Variants in ZNF804B observed in about 807,000 individuals in gnomAD.
The protein encoded by ZNF804B is zinc finger protein 804B, also known as zinc finger 804B.
A neutral mutation model predicts 101.4 loss-of-function variants in ZNF804B; 80 were observed. The observed-to-expected ratio is 0.79, with a 90% confidence interval of 0.66 to 0.95. ZNF804B has a LOEUF of 0.95. Among genes scored for constraint, ZNF804B ranks in the 40% least tolerant of loss-of-function variants. The pLI is 0.00. For synonymous variants in ZNF804B, 622 were observed against 558.8 expected, an observed-to-expected ratio of 1.11 and a Z score of -1.59; for missense variants, 1,673 against 1,561.9, an observed-to-expected ratio of 1.07 and a Z score of -1.20.
intron 1 of ZNF804B, among the ~76,000 whole-genome samples, chr7:89,041,779 T>C (rs953611258): frequency 1.3e-5 from 2 of 152,198 alleles, no homozygotes; most frequent in African/African-American, 4.8e-5. Context: ...TCCTTGCTAC[T>C]TTTTACAATG....
intron 1 of ZNF804B, among the ~76,000 whole-genome samples, chr7:88,828,248 A>AT (rs1562805051): frequency 6.6e-6 from 1 of 152,144 alleles, no homozygotes. Context: ...ACATTTTGCA[A>AT]TTTTGACAAA....
intron 1 of ZNF804B, among the ~76,000 whole-genome samples, chr7:88,837,996 ACTTTTT>A (rs1791240762): frequency 1.3e-5 from 2 of 151,858 alleles, no homozygotes; most frequent in Middle Eastern, 3.4e-3. Context: ...TAATTTTTCA[ACTTTTT>A]CTTTTATGAG....
chr7:88,778,403 A>G (rs2115652897), intron 1 of ZNF804B, among the ~76,000 whole-genome samples: 1 of 152,352 alleles, frequency 6.6e-6, no homozygotes, highest in East Asian at 1.9e-4. Context: ...CTCTTTTGAC[A>G]TGCAAGACAG....
At chr7:89,171,096 C>G (rs1300573694) in intron 1 of ZNF804B, among the ~76,000 whole-genome samples, 2 of 152,190 alleles carry the variant, frequency 1.3e-5, no homozygotes. Flanking sequence ...TGGTCTGCCT[C>G]TAGCCTTAAC....
At chr7:89,325,793 A>T (rs185201172) in intron 2 of ZNF804B, among the ~76,000 whole-genome samples, 27 of 152,046 alleles carry the variant, frequency 1.8e-4, no homozygotes, top group Non-Finnish European at 3.4e-4. Flanking sequence ...ACAGAGTATT[A>T]AAAAAACCCT....
At chr7:88,894,023 T>C (rs893036074) in intron 1 of ZNF804B, among the ~76,000 whole-genome samples, 8 of 152,158 alleles carry the variant, frequency 5.3e-5, no homozygotes, top group Non-Finnish European at 1.2e-4. Context: ...TATTAAGATA[T>C]ATGTATTTAA....
At chr7:89,190,897 T>G (rs1454924652) in intron 1 of ZNF804B, among the ~76,000 whole-genome samples, 1 of 152,148 alleles carries the variant, frequency 6.6e-6, no homozygotes, top group Non-Finnish European at 1.5e-5. Context: ...GGTACCTTGC[T>G]TTATGGAAGT....
At chr7:88,943,090 T>C (rs1793077869) in intron 1 of ZNF804B, among the ~76,000 whole-genome samples, 1 of 151,920 alleles carries the variant, frequency 6.6e-6, no homozygotes, top group Non-Finnish European at 1.5e-5. Flanking sequence ...CTAGTAATTA[T>C]AATAGAACAA....
chr7:89,217,518 A>G (rs1267712088), intron 1 of ZNF804B, among the ~76,000 whole-genome samples: 2 of 152,222 alleles, frequency 1.3e-5, no homozygotes, highest in Non-Finnish European at 2.9e-5. Context: ...CTATTATTCT[A>G]TAATCAAAGA....
intron 1 of ZNF804B, among the ~76,000 whole-genome samples, chr7:88,915,158 T>A (rs1792614067): frequency 6.6e-6 from 1 of 152,162 alleles, no homozygotes; most frequent in Non-Finnish European, 1.5e-5. Context: ...ATTGCTTATC[T>A]TTAATGAGAG....
chr7:89,021,130 T>C (rs1273781037), intron 1 of ZNF804B, among the ~76,000 whole-genome samples: 2 of 152,212 alleles, frequency 1.3e-5, no homozygotes, highest in Non-Finnish European at 2.9e-5. Flanking sequence ...GACTTATTTC[T>C]ATAGATGGTC....
intron 1 of ZNF804B, among the ~76,000 whole-genome samples, chr7:88,989,252 T>C (rs1793809426): frequency 6.6e-6 from 1 of 152,090 alleles, no homozygotes; most frequent in South Asian, 2.1e-4. Context: ...CACCTTGGCT[T>C]CCCAAAGTGC....
At chr7:89,102,715 T>TGACAA (rs1790073813) in intron 1 of ZNF804B, among the ~76,000 whole-genome samples, 1 of 152,016 alleles carries the variant, frequency 6.6e-6, no homozygotes, top group South Asian at 2.1e-4. Context: ...TTGGTTTAGT[T>TGACAA]AGATTTGCTT....
intron 1 of ZNF804B, among the ~76,000 whole-genome samples, chr7:88,846,844 G>T (rs980866218): frequency 1.3e-5 from 2 of 150,822 alleles, no homozygotes; most frequent in Admixed American, 1.3e-4. Context: ...TATATATGTT[G>T]TTGTATATGT....
At chr7:89,001,175 C>A (rs1788282333) in intron 1 of ZNF804B, among the ~76,000 whole-genome samples, 1 of 148,830 alleles carries the variant, frequency 6.7e-6, no homozygotes, top group South Asian at 2.1e-4. Context: ...ATATTATATT[C>A]TAGAAAATGC....
intron 1 of ZNF804B, among the ~76,000 whole-genome samples, chr7:88,809,335 CTATCTATCTATCTATCTATCTACCTAT>C (rs1790743436): frequency 6.6e-6 from 1 of 151,104 alleles, no homozygotes; most frequent in Non-Finnish European, 1.5e-5. Flanking sequence ...ATCTATCTAT[CTATCTATCTATCTATCTATCTACCTAT>C]CTATCTACCT....
At chr7:89,221,175 C>A (rs1219088995) in intron 2 of ZNF804B, among the ~76,000 whole-genome samples, 1 of 151,864 alleles carries the variant, frequency 6.6e-6, no homozygotes, top group African/African-American at 2.4e-5. Context: ...CATCAATGAT[C>A]ATTTGCTCAA....
At chr7:88,766,971 G>A (rs1017944727) in intron 1 of ZNF804B, among the ~76,000 whole-genome samples, 2 of 152,100 alleles carry the variant, frequency 1.3e-5, no homozygotes, top group Non-Finnish European at 2.9e-5. Context: ...GGTGTAAGAG[G>A]CAGAATATAG....
intron 1 of ZNF804B, among the ~76,000 whole-genome samples, chr7:88,991,338 G>A (rs10952938): frequency 0.53 from 80,279 of 151,956 alleles, 21,806 homozygotes; most frequent in Middle Eastern, 0.63. Flanking sequence ...AACATAGCCC[G>A]TCAGGTTGTG....
Sources: gnomAD v4.1 joint callset for allele counts (sites outside exome capture counted in the v4.1 genomes callset) on GRCh38, gnomAD v4.1.1 for gene constraint, MANE v1.5 for transcripts, NCBI Gene and HGNC (gene_info 2026-07-23, HGNC 2026-07-21) for gene names.